INPP4B: variants seen among roughly 807,000 people sequenced by gnomAD.
INPP4B encodes the protein inositol polyphosphate-4-phosphatase type II B.
INPP4B carries 55 observed loss-of-function variants against 122.5 expected under a neutral mutation model. The ratio of observed to expected loss-of-function variants is 0.45; its 90% CI spans 0.36 to 0.56. The LOEUF (loss-of-function observed/expected upper bound fraction) is 0.56. INPP4B is among the 20% of genes least tolerant of loss of function. The pLI, the probability that INPP4B is intolerant of heterozygous loss-of-function variation, is 0.00. For missense variants in INPP4B, 1,000 were observed against 1,097.7 expected (o/e 0.91, Z 1.26); for synonymous variants, 403 against 388.7 (o/e 1.04, Z -0.43).
chr4:142,498,126 C>CGT (rs1822855495), intron 2 of INPP4B, among the ~76,000 whole-genome samples: 3 of 150,008 alleles, frequency 2.0e-5, no homozygotes, highest in Non-Finnish European at 3.0e-5. Flanking sequence ...TATATACACA[C>CGT]ACACATATAT....
At chr4:142,692,815 G>C (rs1161881034) in intron 2 of INPP4B, among the ~76,000 whole-genome samples, 1 of 151,850 alleles carries the variant, frequency 6.6e-6, no homozygotes, top group Admixed American at 6.6e-5. Context: ...TAAACTCTTT[G>C]TCCCTGGCAA....
chr4:142,069,050 C>T (rs1220840876), intron 25 of INPP4B, among the ~76,000 whole-genome samples: 1 of 152,226 alleles, frequency 6.6e-6, no homozygotes, highest in Non-Finnish European at 1.5e-5. Flanking sequence ...CACCACATCA[C>T]ACATATTCCA....
intron 7 of INPP4B, among the ~76,000 whole-genome samples, chr4:142,345,243 A>G (rs974473563): frequency 6.6e-6 from 1 of 152,046 alleles, no homozygotes; most frequent in African/African-American, 2.4e-5. Flanking sequence ...ATATAGCAGC[A>G]GATACATTTA....
At chr4:142,443,703 C>T (rs1333095042) in intron 3 of INPP4B, among the ~76,000 whole-genome samples, 1 of 152,028 alleles carries the variant, frequency 6.6e-6, no homozygotes, top group Non-Finnish European at 1.5e-5. Flanking sequence ...AATAATGAAC[C>T]TCTCTCAGGT....
intron 3 of INPP4B, among the ~76,000 whole-genome samples, chr4:142,454,146 C>T (rs920032488): frequency 2.6e-5 from 4 of 152,074 alleles, no homozygotes; most frequent in African/African-American, 9.7e-5. Context: ...TTCTTAATCT[C>T]AAGTAAAAGA....
At chr4:142,215,613 G>A (rs1203784404) in intron 12 of INPP4B, among the ~76,000 whole-genome samples, 4 of 152,044 alleles carry the variant, frequency 2.6e-5, no homozygotes, top group Non-Finnish European at 4.4e-5. Context: ...TCCAGTCTCT[G>A]CATGTTGCTT....
At chr4:142,390,035 T>A (rs1306620102) in intron 7 of INPP4B, among the ~76,000 whole-genome samples, 1 of 152,164 alleles carries the variant, frequency 6.6e-6, no homozygotes, top group Non-Finnish European at 1.5e-5. Context: ...AATTGAACAT[T>A]GGAATAAAAA....
Position 142,027,616 on chromosome 4 carries a change from T to TAAG in INPP4B, c.*1163_*1165dup, listed in dbSNP as rs1370867758. On this transcript the variant is annotated 3_prime_UTR_variant, in exon 26 of 26. Coordinates refer to ENST00000262992, the MANE Select transcript of INPP4B (RefSeq NM_001101669.3). ...AGTGACAAGCCACAGGCTAGGAAAG[T>TAAG]AAGAAGAGATTGTAATTCAAATTCT... The TAAG allele has an allele frequency of 2.6e-5, 4 of 152,180 alleles. No individual in the cohort carries two copies. Among genetic ancestry groups the TAAG allele is most frequent in the Non-Finnish European group, 5.9e-5 (4 of 68,032 alleles). 9.4% of individuals were successfully genotyped at this position (152,180 alleles called of 1,614,324 possible).
intron 7 of INPP4B, among the ~76,000 whole-genome samples, chr4:142,345,064 C>T (rs1261385710): frequency 6.6e-6 from 1 of 151,918 alleles, no homozygotes; most frequent in East Asian, 1.9e-4. Context: ...TCTAAGCTAC[C>T]TTTGCTGGGT....
chr4:142,581,482 TCC>T (rs1196901526), intron 2 of INPP4B, among the ~76,000 whole-genome samples: 1 of 149,260 alleles, frequency 6.7e-6, no homozygotes, highest in African/African-American at 2.5e-5. Context: ...AGATAGAAGT[TCC>T]ATTTCTATCT....
In INPP4B at chr4:142,364,086, C is replaced by G. The variant is rs1579853116; in HGVS notation, c.372+38852G>C. The stretch of plus-strand genomic sequence containing the variant: ...ACTTCATTATTTTCCTTTCTAACAT[C>G]TCTCTCTGGTATTTCTGTGCTTGGG... On this transcript the variant is annotated intron_variant, in intron 7 of 25. Coordinates refer to ENST00000262992, the MANE Select transcript of INPP4B (RefSeq NM_001101669.3). Among the ~76,000 whole-genome samples the G allele has an allele frequency of 2.6e-5, 4 of 152,032 alleles. No homozygotes were observed. The South Asian group carries it at 8.3e-4, about 32-fold the overall frequency.
chr4:142,643,701 C>T (rs1383364794), intron 2 of INPP4B, among the ~76,000 whole-genome samples: 1 of 152,202 alleles, frequency 6.6e-6, no homozygotes, highest in Non-Finnish European at 1.5e-5. Context: ...CCTGTACCTT[C>T]TTCAAAGCTT....
intron 2 of INPP4B, among the ~76,000 whole-genome samples, chr4:142,700,946 ATCAG>A (rs1187092373): frequency 6.6e-6 from 1 of 152,338 alleles, no homozygotes; most frequent in East Asian, 1.9e-4. Context: ...AAGATCATGT[ATCAG>A]TCAGGGCTAT....
At chr4:142,621,464 T>C (rs1744915670) in intron 2 of INPP4B, among the ~76,000 whole-genome samples, 1 of 151,912 alleles carries the variant, frequency 6.6e-6, no homozygotes, top group South Asian at 2.1e-4. Context: ...CTAGCCCAGA[T>C]TCAGGAGGAA....
chr4:142,168,354 G>T (rs1823902688), intron 16 of INPP4B, among the ~76,000 whole-genome samples: 1 of 151,426 alleles, frequency 6.6e-6, no homozygotes, highest in Admixed American at 6.6e-5. Context: ...TTCATGGCAT[G>T]CTTAGTATGT....
In INPP4B at chr4:142,441,917, G is replaced by T. The variant is rs189251431; in HGVS notation, c.-126-10532C>A. On this transcript the variant is annotated intron_variant, in intron 3 of 25. Transcript: ENST00000262992. ...AGAGAGAAATAGAATTGAACATTAA[G>T]GAGATACAAGCAAGGCAAAATCCAG... Among the ~76,000 whole-genome samples, 356 of 151,696 alleles carry T rather than the reference G, an allele frequency of 2.3e-3. 2 individuals carry two copies. Among genetic ancestry groups the T allele is most frequent in the African/African-American group, 8.1e-3 (335 of 41,382 alleles).
At chr4:142,455,220 C>T (rs1815131964) in intron 3 of INPP4B, among the ~76,000 whole-genome samples, 1 of 151,814 alleles carries the variant, frequency 6.6e-6, no homozygotes, top group Admixed American at 6.6e-5. Context: ...TATTATCGAC[C>T]ATAGTCACTC....
intron 9 of INPP4B, among the ~76,000 whole-genome samples, chr4:142,293,230 G>C (rs1484308722): frequency 5.9e-5 from 9 of 151,958 alleles, no homozygotes; most frequent in Non-Finnish European, 1.3e-4. Flanking sequence ...AGTAGAGACG[G>C]GGTTTCACCA....
At chr4:142,169,274 TA>T (rs1824365575) in intron 16 of INPP4B, among the ~76,000 whole-genome samples, 1 of 151,696 alleles carries the variant, frequency 6.6e-6, no homozygotes, top group Admixed American at 6.6e-5. Context: ...ATTTCATTTT[TA>T]TCTAAACCAT....
Sources: allele counts gnomAD v4.1 joint callset (sites outside exome capture counted in the v4.1 genomes callset), GRCh38; gene constraint gnomAD v4.1.1; transcripts MANE v1.5; gene names NCBI Gene and HGNC (gene_info 2026-07-23, HGNC 2026-07-21).